Variants in ACTN1 observed in about 807,000 individuals in gnomAD.
ACTN1 encodes the protein actinin alpha 1, also known as alpha-actinin-1.
A neutral mutation model predicts 119.6 loss-of-function variants in ACTN1; 30 were observed. That is an observed-to-expected ratio of 0.25 (90% CI 0.19 to 0.34). The LOEUF is 0.34. Among genes scored for constraint, ACTN1 ranks in the 10% least tolerant of loss-of-function variants. The pLI, the probability that ACTN1 is intolerant of heterozygous loss-of-function variation, is 1.00. For missense variants in ACTN1, 764 were observed against 1,223.4 expected (o/e 0.62, Z 5.60); for synonymous variants, 429 against 472.6 (o/e 0.91, Z 1.20).
At chr14:68,969,407 C>T (rs1049901852) in intron 1 of ACTN1, among the ~76,000 whole-genome samples, 1 of 152,212 alleles carries the variant, frequency 6.6e-6, no homozygotes, top group Non-Finnish European at 1.5e-5. Flanking sequence ...TCCCAGCTCC[C>T]AGGGCCAAGT....
In ACTN1 at chr14:68,878,439, A is replaced by T. The variant is rs756696731; in HGVS notation, c.2427+19T>A. 2.9e-5 allele frequency: 45 copies of T among 1,536,182 alleles called. No individual in the cohort carries two copies. Among genetic ancestry groups the T allele is most frequent in the Non-Finnish European group, 3.9e-5 (45 of 1,141,148 alleles). On this transcript the variant is annotated intron_variant, in intron 20 of 21. Transcript: ENST00000394419. This position sits in a 1 kb window ranked among gnomAD's most constrained non-coding sequence, Gnocchi z 4.4. ...GCTGCCTTCTCACCAGGGCAGACAG[A>T]GGGTGGGGTTTACGTTACCATGTTG...
intron 3 of ACTN1, 119 bp downstream of exon 3, chr14:68,920,887 A>G: frequency 7.4e-7 from 1 of 1,349,428 alleles, no homozygotes; most frequent in South Asian, 1.4e-5. Context: ...GGTGCTGGGG[A>G]CCCACTGCCC....
chr14:68,913,687 T>C (rs1158783111), intron 3 of ACTN1, among the ~76,000 whole-genome samples: 1 of 152,204 alleles, frequency 6.6e-6, no homozygotes, highest in Non-Finnish European at 1.5e-5. Flanking sequence ...CATGGGATGC[T>C]GAGCAAAGGA....
At position 68,879,366 on chromosome 14, in the gene ACTN1, C is replaced by A. The variant is rs1429556471; in HGVS notation, c.2281-297G>T. Among the ~76,000 whole-genome samples the A allele has an allele frequency of 1.3e-5, 2 of 152,042 alleles. No homozygotes were observed. Among genetic ancestry groups the A allele is most frequent in the East Asian group, 1.9e-4 (1 of 5,172 alleles). On this transcript the variant is annotated intron_variant, in intron 18 of 21. Transcript: ENST00000394419. The surrounding 1 kb of genome is among the most constrained non-coding windows in gnomAD (Gnocchi z 4.9). ...GCTCCCTCAGAAGTGACCCAGCCCC[C>A]CCGCTTCCCCAGGGGCTTCCCCCCA...
intron 9 of ACTN1, among the ~76,000 whole-genome samples, 171 bp from the exon 10 acceptor site, chr14:68,892,454 T>G (rs1283911957): frequency 6.6e-6 from 1 of 152,142 alleles, no homozygotes; most frequent in East Asian, 1.9e-4. Flanking sequence ...GCTTCCAGGG[T>G]GTTCCCTCTG....
chr14:68,885,598 G>T lies in ACTN1; in HGVS notation c.1235-23C>A. ...TGCCTGGGTTGAGAGAGGGCCACATGGCTGAGCTGGAGTGAGAAGCATCTC... is the reference window on the plus strand; with the variant it reads ...TGCCTGGGTTGAGAGAGGGCCACATTGCTGAGCTGGAGTGAGAAGCATCTC... On this transcript the variant is annotated intron_variant, in intron 11 of 21. Transcript: ENST00000394419. This position sits in a 1 kb window ranked among gnomAD's most constrained non-coding sequence, Gnocchi z 5.6. 1 of 1,608,906 alleles carries T rather than the reference G, an allele frequency of 6.2e-7. No homozygotes were observed.
intron 8 of ACTN1, among the ~76,000 whole-genome samples, chr14:68,901,249 G>GTTTTTTTTTTTTTTTTTT (rs564351239): frequency 9.7e-6 from 1 of 103,496 alleles, no homozygotes; most frequent in African/African-American, 3.7e-5. Flanking sequence ...TTTTTGTTTT[G>GTTTTTTTTTTTTTTTTTT]TTTTTTTTTT....
intron 1 of ACTN1, among the ~76,000 whole-genome samples, chr14:68,945,145 C>T (rs111342977): frequency 1.7e-5 from 2 of 115,436 alleles, no homozygotes; most frequent in African/African-American, 3.6e-5. Flanking sequence ...GCCTGGGCAA[C>T]AGAGTAAGAC....
chr14:68,927,933 C>A (rs1029351577), intron 1 of ACTN1, among the ~76,000 whole-genome samples: 5 of 152,180 alleles, frequency 3.3e-5, no homozygotes, highest in Non-Finnish European at 4.4e-5. Context: ...GGTCTTTTCT[C>A]ATTTATCACC....
At chr14:68,896,331 G>A (rs1434054010) in intron 8 of ACTN1, among the ~76,000 whole-genome samples, 3 of 152,018 alleles carry the variant, frequency 2.0e-5, no homozygotes, top group South Asian at 2.1e-4. Flanking sequence ...CTGCTTCCAC[G>A]TGGTCCCTTG....
At chr14:68,938,734 C>T (rs561462459) in intron 1 of ACTN1, among the ~76,000 whole-genome samples, 4 of 152,254 alleles carry the variant, frequency 2.6e-5, no homozygotes, top group African/African-American at 9.6e-5. Context: ...AGCAAGATAC[C>T]CTGGACACAT....
rs182977982 is a variant in ACTN1, at chr14:68,957,500, C to A, written c.105+21452G>T. Among the ~76,000 whole-genome samples, 27 of 152,334 alleles carry A rather than the reference C, an allele frequency of 1.8e-4. No individual in the cohort carries two copies. The East Asian group carries it at 4.2e-3, about 24-fold the overall frequency. ...GCCATGCCCATTCTGGCATTTAAAG[C>A]CATCCGGGAACTCTTTGATCAGTCA... On this transcript the variant is annotated intron_variant, in intron 1 of 21. Coordinates refer to ENST00000394419, the MANE Select transcript of ACTN1 (RefSeq NM_001130004.2).
At chr14:68,903,468 C>T (rs541381006) in intron 7 of ACTN1, among the ~76,000 whole-genome samples, 62 of 146,170 alleles carry the variant, frequency 4.2e-4, no homozygotes, top group African/African-American at 1.4e-3. Context: ...ACCCAGGAGG[C>T]GGAGGTTGCA....
At chr14:68,920,416 A>C (rs938527312) in intron 3 of ACTN1, among the ~76,000 whole-genome samples, 4 of 152,148 alleles carry the variant, frequency 2.6e-5, no homozygotes, top group Non-Finnish European at 5.9e-5. Flanking sequence ...ACCCACTCTC[A>C]ATTTTTCAGA....
chr14:68,878,751 T>C lies in ACTN1; in HGVS notation c.2362-228A>G, dbSNP rs1231940000. The C allele has an allele frequency of 5.2e-6, 8 of 1,540,348 alleles. No individual in the cohort carries two copies. The highest frequency in any genetic ancestry group is 2.0e-5 in the Admixed American group (1 of 51,246). ...GCAGGGAGATGCAAAAATCCACCCA[T>C]GGGATGAAGAGCAGCGAGGACGGAA... is the stretch of plus-strand genomic sequence containing the variant. On this transcript the variant is annotated intron_variant, in intron 19 of 21. Transcript: ENST00000394419. The surrounding 1 kb of genome is among the most constrained non-coding windows in gnomAD (Gnocchi z 4.4).
At chr14:68,967,760 T>G (rs1266369673) in intron 1 of ACTN1, among the ~76,000 whole-genome samples, 1 of 152,184 alleles carries the variant, frequency 6.6e-6, no homozygotes, top group Non-Finnish European at 1.5e-5. Context: ...GGACCCCACT[T>G]GTTGTCCTTG....
At chr14:68,904,915 T>TG (rs758742266) in intron 6 of ACTN1, among the ~76,000 whole-genome samples, 179 bp from the exon 7 acceptor site, 141 of 152,336 alleles carry the variant, frequency 9.3e-4, no homozygotes, top group Non-Finnish European at 2.9e-5. Flanking sequence ...GCTCACTGGT[T>TG]GGAGGTTTAA....
intron 4 of ACTN1, 101 bp from the exon 5 acceptor site, chr14:68,910,143 C>T (rs1471460868): frequency 3.6e-6 from 3 of 826,480 alleles, no homozygotes; most frequent in Non-Finnish European, 5.8e-6. Flanking sequence ...GATGCCAACC[C>T]TGCAGCTACT....
chr14:68,874,923 G>A lies in ACTN1; in HGVS notation c.2681C>T (p.Ser894Phe), dbSNP rs745859336. 1.9e-6 allele frequency: 3 copies of A among 1,611,832 alleles called. No homozygotes were observed. The highest frequency in any genetic ancestry group is 2.5e-6 in the Non-Finnish European group (3 of 1,178,382). Reference sequence around the variant, plus strand: ...CATGTAGTCCAGAGCACCTGGCACGGAGTCGGGGCCGGTGTAGGGGGCCAT... The same window carrying A: ...CATGTAGTCCAGAGCACCTGGCACGAAGTCGGGGCCGGTGTAGGGGGCCAT... ...ARMAPYTGPD[S>F]VPGALDYMSF... Residue 894 changes from serine (S) to phenylalanine (F), a missense_variant, in exon 22 of 22, where the codon TCC becomes TTC. Ser to Phe is a radical substitution (Grantham distance 155). Transcript: ENST00000394419.
Sources: allele counts gnomAD v4.1 joint callset (sites outside exome capture counted in the v4.1 genomes callset), GRCh38; gene constraint gnomAD v4.1.1; non-coding constraint Gnocchi (gnomAD v3.1); transcripts MANE v1.5; gene names NCBI Gene and HGNC (gene_info 2026-07-23, HGNC 2026-07-21).